The following NCKAP5 variants were observed in gnomAD, a reference collection of about 807,000 sequenced individuals.
The protein encoded by NCKAP5 is NCK associated protein 5.
In NCKAP5, 92 loss-of-function variants were observed where a neutral mutation model predicts 167.0. The observed-to-expected ratio is 0.55, with a 90% confidence interval of 0.47 to 0.66. NCKAP5 has a LOEUF of 0.66. Ranked by LOEUF, NCKAP5 falls within the 30% of genes least tolerant of loss-of-function variation. The pLI, the probability that NCKAP5 is intolerant of heterozygous loss-of-function variation, is 0.00. For synonymous variants in NCKAP5, 891 were observed against 877.4 expected (o/e 1.02, Z -0.27); for missense variants, 2,378 against 2,315.0 (o/e 1.03, Z -0.56).
At chr2:133,560,849 A>C (rs1688105663) in intron 1 of NCKAP5, among the ~76,000 whole-genome samples, 1 of 152,224 alleles carries the variant, frequency 6.6e-6, no homozygotes, top group African/African-American at 2.4e-5. Context: ...GTAGGCAGCA[A>C]GTATAACTTG....
chr2:132,940,576 C>T (rs1443520789), intron 8 of NCKAP5, among the ~76,000 whole-genome samples: 2 of 151,954 alleles, frequency 1.3e-5, no homozygotes, highest in African/African-American at 2.4e-5. Flanking sequence ...GCTAAATGTT[C>T]AATAATAGGG....
At position 132,813,040 on chromosome 2, in the gene NCKAP5, G is replaced by C. The variant is rs1686002213; in HGVS notation, c.808-16311C>G. 2.0e-5 allele frequency among the ~76,000 whole-genome samples: 3 copies of C among 152,312 alleles called. No individual in the cohort carries two copies. In the South Asian group the frequency reaches 6.2e-4, roughly 32 times the overall value. On this transcript the variant is annotated intron_variant, in intron 11 of 19. Transcript: ENST00000409261. The stretch of plus-strand genomic sequence containing the variant: ...AAGACTTCAACATATGAATTTGGGG[G>C]AAGAGACAAACATTCAGGCCAAAGC...
At chr2:133,322,072 C>G (rs940625128) in intron 3 of NCKAP5, among the ~76,000 whole-genome samples, 3 of 152,158 alleles carry the variant, frequency 2.0e-5, no homozygotes, top group Non-Finnish European at 4.4e-5. Context: ...ATAAGTCATT[C>G]TGTAAAGTGA....
rs189137398 is a variant in NCKAP5, at chr2:132,853,919, C to G, written c.807+6573G>C. On this transcript the variant is annotated intron_variant, in intron 11 of 19. Coordinates refer to ENST00000409261, the MANE Select transcript of NCKAP5 (RefSeq NM_207363.3). ...CTTCTTCACTTTAAATACACAGCAC[C>G]CTAAGCACTGCTCTCACTCCCTTCT... Among the ~76,000 whole-genome samples, 34 of 152,250 alleles carry G rather than the reference C, an allele frequency of 2.2e-4. No individual in the cohort carries two copies. The East Asian group carries it at 6.2e-3, about 28-fold the overall frequency.
chr2:132,781,283 C>T (rs1055785258), intron 14 of NCKAP5, 54 bp from the exon 15 acceptor site: 79 of 1,524,964 alleles, frequency 5.2e-5, no homozygotes, highest in Non-Finnish European at 6.9e-5. Flanking sequence ...TCTTCAATCA[C>T]TCTCCTTTTC....
intron 5 of NCKAP5, among the ~76,000 whole-genome samples, chr2:133,206,279 C>T (rs1027521820): frequency 4.5e-4 from 68 of 152,110 alleles, no homozygotes; most frequent in African/African-American, 7.9e-4. Flanking sequence ...ATGTGTGTTG[C>T]GGGAAGTCAG....
At chr2:132,946,378 T>A (rs1295584718) in intron 8 of NCKAP5, among the ~76,000 whole-genome samples, 1 of 152,106 alleles carries the variant, frequency 6.6e-6, no homozygotes, top group African/African-American at 2.4e-5. Flanking sequence ...TTCAATTCAG[T>A]GGTAATGAGT....
At chr2:133,165,758 A>AC (rs2083973789) in intron 5 of NCKAP5, among the ~76,000 whole-genome samples, 1 of 152,086 alleles carries the variant, frequency 6.6e-6, no homozygotes, top group Non-Finnish European at 1.5e-5. Flanking sequence ...TACCCAGGTC[A>AC]TTTGCTGGCT....
intron 3 of NCKAP5, among the ~76,000 whole-genome samples, chr2:133,353,306 G>A (rs191336404): frequency 6.6e-6 from 1 of 152,288 alleles, no homozygotes; most frequent in East Asian, 1.9e-4. Context: ...CATTTTTGGA[G>A]TCTTTAAGAC....
At chr2:133,481,605 C>T (rs2151315504) in intron 3 of NCKAP5, among the ~76,000 whole-genome samples, 1 of 152,294 alleles carries the variant, frequency 6.6e-6, no homozygotes, top group Non-Finnish European at 1.5e-5. Flanking sequence ...CTCCGATAGG[C>T]CCCAGTGTGT....
Position 132,921,168 on chromosome 2 carries a change from C to T in NCKAP5, c.580-42252G>A, listed in dbSNP as rs542560081. 8.5e-5 allele frequency among the ~76,000 whole-genome samples: 13 copies of T among 152,086 alleles called. No individual in the cohort carries two copies. The South Asian group carries it at 2.5e-3, about 29-fold the overall frequency. On this transcript the variant is annotated intron_variant, in intron 8 of 19. Transcript: ENST00000409261. ...TGCCATTCCTAGGTTGATGAATCCT[C>T]AAAGTAAGCCCCACAGGAACCTCAT...
chr2:132,980,411 G>GT (rs1239024358), intron 7 of NCKAP5, among the ~76,000 whole-genome samples: 3 of 152,100 alleles, frequency 2.0e-5, no homozygotes, highest in African/African-American at 7.2e-5. Context: ...GCACATTAGT[G>GT]TTTTTTTGTT....
intron 2 of NCKAP5, among the ~76,000 whole-genome samples, chr2:133,528,926 C>G (rs930987444): frequency 6.6e-6 from 1 of 152,104 alleles, no homozygotes; most frequent in Non-Finnish European, 1.5e-5. Context: ...TTGGCTGTCT[C>G]GAATGCCTAG....
At chr2:133,595,084 T>C in the NCKAP5 span, among the ~76,000 whole-genome samples, 4 of 152,150 alleles carry the variant, frequency 2.6e-5, no homozygotes, top group Non-Finnish European at 4.4e-5. Flanking sequence ...CTACTGGAGA[T>C]GGCCATGAGA....
At chr2:132,692,108 GATTTTATTTT>G (rs5834326) in intron 19 of NCKAP5, among the ~76,000 whole-genome samples, 3,037 of 136,676 alleles carry the variant, frequency 0.022, 93 homozygotes, top group African/African-American at 0.066. Context: ...AAGCCTGCTT[GATTTTATTTT>G]ATTTTATTTT....
At chr2:133,296,433 A>C (rs889728192) in intron 4 of NCKAP5, among the ~76,000 whole-genome samples, 8 of 151,722 alleles carry the variant, frequency 5.3e-5, no homozygotes, top group Non-Finnish European at 1.2e-4. Context: ...CCAGTCTCCC[A>C]TTAACACAAA....
the NCKAP5 span, among the ~76,000 whole-genome samples, chr2:133,657,422 A>G: frequency 1.3e-5 from 2 of 152,260 alleles, no homozygotes; most frequent in African/African-American, 4.8e-5. Context: ...CCCTTTTAGC[A>G]TGCAACCTTT....
chr2:132,877,536 T>C (rs1691377952), intron 9 of NCKAP5, among the ~76,000 whole-genome samples: 1 of 152,154 alleles, frequency 6.6e-6, no homozygotes, highest in African/African-American at 2.4e-5. Context: ...CTGTCGTGGG[T>C]CCTGAGAATC....
the NCKAP5 span, among the ~76,000 whole-genome samples, chr2:133,620,693 G>C: frequency 6.6e-6 from 1 of 152,050 alleles, no homozygotes; most frequent in Non-Finnish European, 1.5e-5. Flanking sequence ...ATACTCCACT[G>C]ACAGCACGAG....
Sources: allele counts gnomAD v4.1 joint callset (sites outside exome capture counted in the v4.1 genomes callset), GRCh38; gene constraint gnomAD v4.1.1; transcripts MANE v1.5; gene names NCBI Gene and HGNC (gene_info 2026-07-23, HGNC 2026-07-21).